PIK3C2G: variants seen among roughly 807,000 people sequenced by gnomAD.
PIK3C2G encodes phosphatidylinositol-4-phosphate 3-kinase catalytic subunit type 2 gamma.
PIK3C2G carries 168 observed loss-of-function variants against 181.1 expected under a neutral mutation model. That is an observed-to-expected ratio of 0.93 (90% CI 0.82 to 1.05). The LOEUF is 1.05. Ranked by LOEUF, PIK3C2G falls within the 50% of genes least tolerant of loss-of-function variation. The pLI, the probability that PIK3C2G is intolerant of heterozygous loss-of-function variation, is 0.00. For missense variants in PIK3C2G, 1,869 were observed against 1,732.8 expected, an observed-to-expected ratio of 1.08 and a Z score of -1.40; for synonymous variants, 573 against 592.2, an observed-to-expected ratio of 0.97 and a Z score of 0.47.
the PIK3C2G span, among the ~76,000 whole-genome samples, chr12:18,658,600 G>A: frequency 1.3e-5 from 2 of 151,892 alleles, no homozygotes; most frequent in African/African-American, 4.8e-5. Context: ...GAAAAATAAA[G>A]GAGAATTTTT....
chr12:18,286,374 G>A (rs1355120790), intron 2 of PIK3C2G, among the ~76,000 whole-genome samples: 1 of 151,894 alleles, frequency 6.6e-6, no homozygotes, highest in Non-Finnish European at 1.5e-5. Context: ...ATGACTAAAC[G>A]AACTGTGGAA....
Position 18,546,268 on chromosome 12 carries a change from G to A in PIK3C2G, c.3481-55G>A, listed in dbSNP as rs1220440237. On this transcript the variant is annotated intron_variant, in intron 25 of 32. Transcript: ENST00000538779. The stretch of plus-strand genomic sequence containing the variant: ...TAGAATTAATCAAGTAAGCTTGATT[G>A]TATCTGCATTTATTCTGTCTTCTTT... 2.9e-6 allele frequency: 3 copies of A among 1,035,004 alleles called. No individual in the cohort carries two copies. In the East Asian group the frequency reaches 7.7e-5, roughly 27 times the overall value. 64.1% of individuals were successfully genotyped at this position (1,035,004 alleles called of 1,614,324 possible).
At chr12:18,454,285 C>G (rs1201014004) in intron 18 of PIK3C2G, among the ~76,000 whole-genome samples, 1 of 152,028 alleles carries the variant, frequency 6.6e-6, no homozygotes, top group Non-Finnish European at 1.5e-5. Flanking sequence ...CATGAGAAAT[C>G]AAAACAAGGA....
At position 18,282,470 on chromosome 12, in the gene PIK3C2G, T is replaced by C. The variant is rs1047384914; in HGVS notation, c.389T>C (p.Ile130Thr). 5 of 1,612,384 alleles carry C rather than the reference T, an allele frequency of 3.1e-6. No homozygotes were observed. In the African/African-American group the frequency reaches 4.0e-5, roughly 13 times the overall value. Residue 130 changes from isoleucine to threonine, a missense_variant, in exon 2 of 33, where the codon ATA becomes ACA. Ile to Thr is a moderately conservative substitution (Grantham distance 89). Coordinates refer to ENST00000538779, the MANE Select transcript of PIK3C2G (RefSeq NM_001288772.2). The stretch of plus-strand genomic sequence containing the variant: ...AAAGAATGCTCCTGGGGAAGCCCCA[T>C]AGGAAAACATCATGGTGCTGATGAT... Reference protein sequence around the residue: ...TNKECSWGSPIGKHHGADDSR... With the variant: ...TNKECSWGSPTGKHHGADDSR...
intron 18 of PIK3C2G, among the ~76,000 whole-genome samples, chr12:18,466,143 AT>A (rs1047006343): frequency 6.6e-6 from 1 of 151,826 alleles, no homozygotes; most frequent in Non-Finnish European, 1.5e-5. Context: ...TTAATTATGT[AT>A]TTTTATTACT....
chr12:18,288,468 C>T (rs1173551370), intron 3 of PIK3C2G, among the ~76,000 whole-genome samples: 2 of 152,102 alleles, frequency 1.3e-5, no homozygotes, highest in Admixed American at 1.3e-4. Context: ...GGCTTACACA[C>T]AAAGATACAA....
chr12:18,427,323 C>A (rs1395386506), intron 18 of PIK3C2G, among the ~76,000 whole-genome samples: 1 of 151,132 alleles, frequency 6.6e-6, no homozygotes, highest in Admixed American at 6.6e-5. Flanking sequence ...CAGGCCAACA[C>A]GGTGAAACCC....
At chr12:18,697,397 T>A in the PIK3C2G span, among the ~76,000 whole-genome samples, 1 of 152,172 alleles carries the variant, frequency 6.6e-6, no homozygotes, top group African/African-American at 2.4e-5. Context: ...TCATGCTCCC[T>A]TATCTAGTCC....
At chr12:18,417,674 T>C (rs1945255817) in intron 16 of PIK3C2G, among the ~76,000 whole-genome samples, 1 of 152,130 alleles carries the variant, frequency 6.6e-6, no homozygotes, top group South Asian at 2.1e-4. Flanking sequence ...TTTAATTTAA[T>C]GATTTGTTTG....
At chr12:18,403,151 C>T (rs747245676) in intron 16 of PIK3C2G, among the ~76,000 whole-genome samples, 4 of 152,084 alleles carry the variant, frequency 2.6e-5, no homozygotes, top group Admixed American at 6.5e-5. Flanking sequence ...TTAGCGATCT[C>T]GGTCATGCTC....
At chr12:18,684,475 C>A in the PIK3C2G span, among the ~76,000 whole-genome samples, 1 of 151,896 alleles carries the variant, frequency 6.6e-6, no homozygotes, top group African/African-American at 2.4e-5. Context: ...TATTGCTGGG[C>A]AATGTTCTAA....
chr12:18,318,943 A>G (rs1441629979), intron 6 of PIK3C2G, among the ~76,000 whole-genome samples: 1 of 151,874 alleles, frequency 6.6e-6, no homozygotes, highest in Non-Finnish European at 1.5e-5. Flanking sequence ...AAAATAGCCA[A>G]ACCTGGTGTT....
intron 24 of PIK3C2G, among the ~76,000 whole-genome samples, chr12:18,509,407 G>GGTGA (rs1942066929): frequency 6.6e-6 from 1 of 152,174 alleles, no homozygotes; most frequent in Non-Finnish European, 1.5e-5. Flanking sequence ...ACAGCAAAGA[G>GGTGA]GTGATATAAG....
the PIK3C2G span, chr12:18,696,045 A>C: frequency 1.6e-6 from 1 of 643,848 alleles, no homozygotes; most frequent in African/African-American, 1.9e-5. Context: ...CCCCGGGCTA[A>C]AAAATCTTTT....
intron 9 of PIK3C2G, among the ~76,000 whole-genome samples, chr12:18,341,855 A>G (rs1190583052): frequency 6.6e-6 from 1 of 152,160 alleles, no homozygotes; most frequent in Non-Finnish European, 1.5e-5. Context: ...TTTTTGGTCA[A>G]CATGCAAAGG....
At chr12:18,351,916 G>A (rs1380067723) in intron 11 of PIK3C2G, among the ~76,000 whole-genome samples, 1 of 152,186 alleles carries the variant, frequency 6.6e-6, no homozygotes, top group Non-Finnish European at 1.5e-5. Context: ...TGAGCAATAG[G>A]CTATCCCGTA....
intron 18 of PIK3C2G, among the ~76,000 whole-genome samples, chr12:18,433,525 C>T (rs573978425): frequency 1.3e-5 from 2 of 151,592 alleles, no homozygotes; most frequent in African/African-American, 4.8e-5. Context: ...GACTCCATCT[C>T]GAAAAAAATA....
At chr12:18,343,234 G>T (rs990337315) in intron 9 of PIK3C2G, 93 bp from the exon 10 acceptor site, 8 of 689,750 alleles carry the variant, frequency 1.2e-5, no homozygotes, top group South Asian at 3.5e-5. Flanking sequence ...CCATGACAAA[G>T]AAATTATAAT....
At chr12:18,318,968 C>T (rs912908609) in intron 6 of PIK3C2G, among the ~76,000 whole-genome samples, 7 of 151,856 alleles carry the variant, frequency 4.6e-5, no homozygotes, top group Admixed American at 3.9e-4. Context: ...ACCTATAATC[C>T]CAGCTACTCA....
Sources: allele counts gnomAD v4.1 joint callset (sites outside exome capture counted in the v4.1 genomes callset), GRCh38; gene constraint gnomAD v4.1.1; transcripts MANE v1.5; gene names NCBI Gene and HGNC (gene_info 2026-07-23, HGNC 2026-07-21).